ACTR1B: variants seen among roughly 807,000 people sequenced by gnomAD.
ACTR1B encodes the protein beta-centractin.
ACTR1B carries 34 observed loss-of-function variants against 49.4 expected under a neutral mutation model. The ratio of observed to expected loss-of-function variants is 0.69; its 90% CI spans 0.52 to 0.92. The LOEUF (loss-of-function observed/expected upper bound fraction) is 0.92. Among genes scored for constraint, ACTR1B ranks in the 40% least tolerant of loss-of-function variants. ACTR1B has a pLI of 0.00. For synonymous variants in ACTR1B, 207 were observed against 207.8 expected (o/e 1.00, Z 0.03); for missense variants, 471 against 522.4 (o/e 0.90, Z 0.96).
chr2:97,658,406 C>T lies in ACTR1B; in HGVS notation c.657+21G>A. The T allele has an allele frequency of 6.2e-7, 1 of 1,613,864 alleles. No homozygotes were observed. Among genetic ancestry groups the T allele is most frequent in the Non-Finnish European group, 8.5e-7 (1 of 1,179,850 alleles). On this transcript the variant is annotated intron_variant, in intron 6 of 10. Coordinates refer to ENST00000289228, the MANE Select transcript of ACTR1B (RefSeq NM_005735.4). The surrounding 1 kb of genome is among the most constrained non-coding windows in gnomAD (Gnocchi z 5.9). ...CTTTCCTCACCCCAGGTCGTGTCCA[C>T]ACCCTCTCGCCCCTTGTCACCTCTT... is the stretch of plus-strand genomic sequence containing the variant.
Position 97,661,895 on chromosome 2 carries a change from A to G in ACTR1B, c.100T>C (p.Cys34Arg). Residue 34 changes from cysteine (C) to arginine (R), a missense_variant, in exon 2 of 11, where the codon TGT becomes CGT. Transcript: ENST00000289228. ...AGCCACACTTACTAGTTTGGGAAACAGTATTTGGGAATCTGGTCTCCTGCA... is the reference window on the plus strand; with the variant it reads ...AGCCACACTTACTAGTTTGGGAAACGGTATTTGGGAATCTGGTCTCCTGCA... Reference protein sequence around the residue: ...GFAGDQIPKYCFPNYVGRPKH... With the variant: ...GFAGDQIPKYRFPNYVGRPKH... The G allele has an allele frequency of 4.4e-6, 7 of 1,595,412 alleles. No homozygotes were observed. Among genetic ancestry groups the G allele is most frequent in the Non-Finnish European group, 6.0e-6 (7 of 1,169,432 alleles).
Position 97,660,566 on chromosome 2 carries a change from G to A in ACTR1B, c.189+5C>T. 1 of 1,613,956 alleles carries A rather than the reference G, an allele frequency of 6.2e-7. No individual in the cohort carries two copies. The highest frequency in any genetic ancestry group is 2.2e-5 in the East Asian group (1 of 44,868). On this transcript the variant is annotated splice_donor_5th_base_variant and intron_variant, in intron 3 of 10. Coordinates refer to ENST00000289228, the MANE Select transcript of ACTR1B (RefSeq NM_005735.4). ...CCCAGGGAAAGGCAGGCTCCTCGGT[G>A]TTACCTCTGCTTTTGGTCCGATGAA... is the stretch of plus-strand genomic sequence containing the variant.
At position 97,659,362 on chromosome 2, in the gene ACTR1B, A is replaced by G. The variant is rs1476512448; in HGVS notation, c.305T>C (p.Phe102Ser). Reference protein sequence around the residue: ...YVYSKDQLQTFSEEHPVLLTE... With the variant: ...YVYSKDQLQTSSEEHPVLLTE... ...GGGCAGCCGCCACACCTCCTCCGAGAAGGTCTGCAGCTGATCCTTGGAGTA... is the reference window on the plus strand; with the variant it reads ...GGGCAGCCGCCACACCTCCTCCGAGGAGGTCTGCAGCTGATCCTTGGAGTA... Residue 102 changes from phenylalanine (F) to serine (S), a missense_variant, in exon 4 of 11, where the codon TTC becomes TCC. By Grantham distance (155) the Phe-to-Ser change is radical. Transcript: ENST00000289228. This position sits in a 1 kb window ranked among gnomAD's most constrained non-coding sequence, Gnocchi z 4.0. 6.2e-7 allele frequency: 1 copy of G among 1,613,856 alleles called. No homozygotes were observed. The highest frequency in any genetic ancestry group is 8.5e-7 in the Non-Finnish European group (1 of 1,180,002).
Position 97,663,879 on chromosome 2 carries a change from G to A in ACTR1B, c.12C>T (p.Tyr4=). The A allele has an allele frequency of 7.2e-7, 1 of 1,383,022 alleles. No homozygotes were observed. The allele number at this position is 1,383,022 out of a possible 1,614,324, so 85.7% of individuals were successfully genotyped here. Residue 4 remains tyrosine, a synonymous_variant, in exon 1 of 11, where the codon TAC becomes TAT. Coordinates refer to ENST00000289228, the MANE Select transcript of ACTR1B (RefSeq NM_005735.4). MES[Y]DIIANQPVVI... ...CCACAGGCTGGTTGGCGATGATGTC[G>A]TAGGACTCCATGGCCGGGCCGCGCC... is the stretch of plus-strand genomic sequence containing the variant.
chr2:97,663,828 G>T lies in ACTR1B; in HGVS notation c.48+15C>A. ...GGGCGGGGCGCCCGCCCTCCCCCTG[G>T]CTGCCGGGCCTCACGTTGTCGATGA... On this transcript the variant is annotated intron_variant, in intron 1 of 10. Coordinates refer to ENST00000289228, the MANE Select transcript of ACTR1B (RefSeq NM_005735.4). 7.2e-7 allele frequency: 1 copy of T among 1,394,150 alleles called. No homozygotes were observed. Among genetic ancestry groups the T allele is most frequent in the Non-Finnish European group, 9.5e-7 (1 of 1,057,908 alleles). 86.4% of individuals were successfully genotyped at this position (1,394,150 alleles called of 1,614,324 possible). A position where few individuals can be genotyped will look rare whatever the true frequency, so the allele number is the denominator to read the frequency against.
At position 97,658,265 on chromosome 2, in the gene ACTR1B, C is replaced by T; in HGVS notation, c.709G>A (p.Glu237Lys). The T allele has an allele frequency of 1.9e-6, 3 of 1,614,208 alleles. No homozygotes were observed. Among genetic ancestry groups the T allele is most frequent in the East Asian group, 2.2e-5 (1 of 44,876 alleles). ...TCTGGCAACGTGTACTGCACCTTCTCCGTCTCCAGAGCCTCATCCTTCTGT... is the reference window on the plus strand; with the variant it reads ...TCTGGCAACGTGTACTGCACCTTCTTCGTCTCCAGAGCCTCATCCTTCTGT... ...NPQKDEALETEKVQYTLPDGS... is the reference protein window; with the variant it reads ...NPQKDEALETKKVQYTLPDGS... The change falls in exon 7 of 11, where the codon GAG (glutamate) becomes AAG (lysine). Residue 237 changes from glutamate (E) to lysine (K), a missense_variant. Physicochemically the swap from Glu to Lys is moderately conservative, Grantham distance 56. Transcript: ENST00000289228. The surrounding 1 kb of genome is among the most constrained non-coding windows in gnomAD (Gnocchi z 5.9).
At position 97,656,221 on chromosome 2, in the gene ACTR1B, G is replaced by C. The variant is rs1338712837; in HGVS notation, c.*637C>G. On this transcript the variant is annotated 3_prime_UTR_variant, in exon 11 of 11. Coordinates refer to ENST00000289228, the MANE Select transcript of ACTR1B (RefSeq NM_005735.4). ...GTGCCGAGGGTAGAGGGAGGAGCAA[G>C]TGGATGAAGTGCTCTGAAAAGGATA... 1 of 152,356 alleles carries C rather than the reference G, an allele frequency of 6.6e-6. No individual in the cohort carries two copies. The highest frequency in any genetic ancestry group is 1.5e-5 in the Non-Finnish European group (1 of 68,204). 9.4% of individuals were successfully genotyped at this position (152,356 alleles called of 1,614,324 possible).
Position 97,659,211 on chromosome 2 carries a change from TG to T in ACTR1B, c.315+140del. On this transcript the variant is annotated intron_variant, in intron 4 of 10. Transcript: ENST00000289228. This position sits in a 1 kb window ranked among gnomAD's most constrained non-coding sequence, Gnocchi z 4.0. ...CTGCCTAGCAGCCACTGGGTACGTA[TG>T]CGCACCCAGACACACACGGAAAGGC... 6.9e-7 allele frequency: 1 copy of T among 1,439,988 alleles called. No homozygotes were observed. The highest frequency in any genetic ancestry group is 9.5e-7 in the Non-Finnish European group (1 of 1,056,410). 89.2% of individuals were successfully genotyped at this position (1,439,988 alleles called of 1,614,324 possible). A position where few individuals can be genotyped will look rare whatever the true frequency, so the allele number is the denominator to read the frequency against.
rs1454108973 is a variant in ACTR1B, at chr2:97,656,651, C to T, written c.*207G>A. The T allele has an allele frequency of 7.0e-6, 4 of 568,294 alleles. No homozygotes were observed. Among genetic ancestry groups the T allele is most frequent in the Non-Finnish European group, 1.3e-5 (4 of 318,482 alleles). The allele number at this position is 568,294 out of a possible 1,614,324, so 35.2% of individuals were successfully genotyped here. ...TCAATTCCCACACGCCAGCTCAAGG[C>T]TCCTGTCCATGCAGCTCAATGTTAC... On this transcript the variant is annotated 3_prime_UTR_variant, in exon 11 of 11. Coordinates refer to ENST00000289228, the MANE Select transcript of ACTR1B (RefSeq NM_005735.4).
At chr2:97,663,494 G>A (rs1198505313) in intron 1 of ACTR1B, among the ~76,000 whole-genome samples, 1 of 152,188 alleles carries the variant, frequency 6.6e-6, no homozygotes, top group African/African-American at 2.4e-5. Context: ...ACGCGGAAAG[G>A]AACTGGTGTG....
chr2:97,663,938 C>T lies in ACTR1B; in HGVS notation c.-48G>A, dbSNP rs1468822031. ...CCAGCAGGCGGGCTGCAGGAGGCAC[C>T]GGATGGGCGGGCGGGCGGGAGGACC... On this transcript the variant is annotated 5_prime_UTR_variant, in exon 1 of 11. Coordinates refer to ENST00000289228, the MANE Select transcript of ACTR1B (RefSeq NM_005735.4). 4.0e-5 allele frequency: 9 copies of T among 227,006 alleles called. No homozygotes were observed. The highest frequency in any genetic ancestry group is 6.3e-5 in the Admixed American group (1 of 15,820). The allele number at this position is 227,006 out of a possible 1,614,324, so 14.1% of individuals were successfully genotyped here.
chr2:97,657,571 G>T, intron 8 of ACTR1B, 62 bp from the exon 9 acceptor site: 3 of 1,548,908 alleles, frequency 1.9e-6, no homozygotes. Context: ...GCTAGCTCCC[G>T]CACCCAGCCT....
chr2:97,658,303 A>G lies in ACTR1B; in HGVS notation c.671T>C (p.Leu224Pro). The G allele has an allele frequency of 6.2e-7, 1 of 1,614,188 alleles. No individual in the cohort carries two copies. The change falls in exon 7 of 11, where the codon CTG becomes CCG. Residue 224 changes from leucine (L) to proline (P), a missense_variant. By Grantham distance (98) the Leu-to-Pro change is moderately conservative. Coordinates refer to ENST00000289228, the MANE Select transcript of ACTR1B (RefSeq NM_005735.4). This position sits in a 1 kb window ranked among gnomAD's most constrained non-coding sequence, Gnocchi z 5.9. The stretch of plus-strand genomic sequence containing the variant: ...CTCATCCTTCTGTGGGTTGATGGAC[A>G]GGTAGCACGCTCGCTGCGGGGACAG... ...VRTIKERACYLSINPQKDEAL... is the reference protein window; with the variant it reads ...VRTIKERACYPSINPQKDEAL...
Position 97,656,879 on chromosome 2 carries a change from A to T in ACTR1B, c.1110T>A (p.Ala370=). 6.3e-7 allele frequency: 1 copy of T among 1,588,062 alleles called. No individual in the cohort carries two copies. The highest frequency in any genetic ancestry group is 8.6e-7 in the Non-Finnish European group (1 of 1,166,858). The part of the protein sequence containing the change: ...KKEYEEDGSR[A]IHRKTF Reference sequence around the variant, plus strand: ...GGCACTAGAAAGTTTTGCGATGAATAGCACGGGAGCCATCCTCTTCATACT... The same window carrying T: ...GGCACTAGAAAGTTTTGCGATGAATTGCACGGGAGCCATCCTCTTCATACT... Residue 370 remains alanine (A), a synonymous_variant, in exon 11 of 11, where the codon GCT becomes GCA. Transcript: ENST00000289228.
intron 8 of ACTR1B, 124 bp downstream of exon 8, chr2:97,657,819 A>C: frequency 2.4e-6 from 3 of 1,257,088 alleles, no homozygotes; most frequent in Non-Finnish European, 3.3e-6. Flanking sequence ...GGTCTGTTAA[A>C]AAAAATGTTC....
Position 97,657,197 on chromosome 2 carries a change from A to G in ACTR1B, c.988-5T>C, listed in dbSNP as rs368845180. On this transcript the variant is annotated splice_region_variant and splice_polypyrimidine_tract_variant and intron_variant, in intron 9 of 10. Transcript: ENST00000289228. ...CCGTTCCTGCGGGGCTGAGATCTAG[A>G]AGGAGGAAGTGGCCACGTTAACTGT... The G allele has an allele frequency of 1.9e-6, 3 of 1,613,062 alleles. No individual in the cohort carries two copies. The highest frequency in any genetic ancestry group is 1.1e-5 in the South Asian group (1 of 90,996).
rs1402908296 is a variant in ACTR1B, at chr2:97,658,004, C to T, written c.864G>A (p.Met288Ile). The change falls in exon 8 of 11, where the codon ATG (methionine) becomes ATA (isoleucine). Residue 288 changes from methionine (M) to isoleucine (I), a missense_variant. Physicochemically the swap from Met to Ile is conservative, Grantham distance 10 (BLOSUM62 1). Coordinates refer to ENST00000289228, the MANE Select transcript of ACTR1B (RefSeq NM_005735.4). This position sits in a 1 kb window ranked among gnomAD's most constrained non-coding sequence, Gnocchi z 5.9. The stretch of plus-strand genomic sequence containing the variant: ...TGGCGAACAGCGTCCGGCGCAGGTC[C>T]ATGTCGGACTTGTGTATGGCGAAGG... ...VVAFAIHKSD[M>I]DLRRTLFANI... The T allele has an allele frequency of 6.2e-7, 1 of 1,614,206 alleles. No individual in the cohort carries two copies. Among genetic ancestry groups the T allele is most frequent in the East Asian group, 2.2e-5 (1 of 44,886 alleles).
chr2:97,663,996 G>A lies in ACTR1B; in HGVS notation c.-106C>T, dbSNP rs1675112129. The A allele has an allele frequency of 9.3e-6, 6 of 641,886 alleles. No homozygotes were observed. Among genetic ancestry groups the A allele is most frequent in the East Asian group, 9.1e-5 (2 of 21,990 alleles). 39.8% of individuals were successfully genotyped at this position (641,886 alleles called of 1,614,324 possible). Reference sequence around the variant, plus strand: ...CGGCGGCTCCCGACGCGGCGCCGCTGCCCTCCCTCCCCGAGCCTGCAGCCT... The same window carrying A: ...CGGCGGCTCCCGACGCGGCGCCGCTACCCTCCCTCCCCGAGCCTGCAGCCT... On this transcript the variant is annotated 5_prime_UTR_variant, in exon 1 of 11. Transcript: ENST00000289228.
At position 97,658,131 on chromosome 2, in the gene ACTR1B, G is replaced by T; in HGVS notation, c.751-14C>A. 1 of 1,613,466 alleles carries T rather than the reference G, an allele frequency of 6.2e-7. No homozygotes were observed. ...TGCAGGCCCCACCTTTAGTGTACAA[G>T]ATTGAGGCAGACAGGCTTCCTGGAG... On this transcript the variant is annotated splice_polypyrimidine_tract_variant and intron_variant, in intron 7 of 10. Coordinates refer to ENST00000289228, the MANE Select transcript of ACTR1B (RefSeq NM_005735.4). This position sits in a 1 kb window ranked among gnomAD's most constrained non-coding sequence, Gnocchi z 5.9.
Sources: allele counts gnomAD v4.1 joint callset (sites outside exome capture counted in the v4.1 genomes callset), GRCh38; gene constraint gnomAD v4.1.1; non-coding constraint Gnocchi (gnomAD v3.1); transcripts MANE v1.5; gene names NCBI Gene and HGNC (gene_info 2026-07-23, HGNC 2026-07-21).